OSBPL10: variants seen among roughly 807,000 people sequenced by gnomAD.
OSBPL10 encodes the protein oxysterol-binding protein-related protein 10.
OSBPL10 carries 49 observed loss-of-function variants against 81.7 expected under a neutral mutation model. The observed-to-expected ratio is 0.60, with a 90% CI of 0.48 to 0.76. OSBPL10 has a LOEUF of 0.76. Among genes scored for constraint, OSBPL10 ranks in the 30% least tolerant of loss-of-function variants. The probability of loss-of-function intolerance (pLI) is 0.00; values close to 1 mark genes in which losing one functional copy is unlikely to be tolerated. For missense variants in OSBPL10, 923 were observed against 987.8 expected (o/e 0.93, Z 0.88); for synonymous variants, 419 against 383.6 (o/e 1.09, Z -1.08).
At chr3:31,958,997 A>G (rs182162642) in intron 1 of OSBPL10, among the ~76,000 whole-genome samples, 44 of 152,324 alleles carry the variant, frequency 2.9e-4, no homozygotes, top group African/African-American at 1.0e-3. Flanking sequence ...CCAAAGGTCA[A>G]ATGTCATCTC....
At chr3:31,726,830 A>G (rs976396187) in intron 6 of OSBPL10, among the ~76,000 whole-genome samples, 55 of 137,452 alleles carry the variant, frequency 4.0e-4, no homozygotes, top group African/African-American at 1.6e-3. Context: ...TTGTGCAAAA[A>G]TTTATTATTA....
At chr3:31,905,368 T>A (rs913132469) in intron 1 of OSBPL10, among the ~76,000 whole-genome samples, 70 of 148,290 alleles carry the variant, frequency 4.7e-4, no homozygotes, top group East Asian at 4.1e-3. Flanking sequence ...TTTTTTTTTT[T>A]AGACGGACTC....
chr3:31,975,011 CAT>C (rs1698655875), intron 1 of OSBPL10, among the ~76,000 whole-genome samples: 1 of 152,166 alleles, frequency 6.6e-6, no homozygotes, highest in Non-Finnish European at 1.5e-5. Flanking sequence ...GGAAATCACC[CAT>C]AATCCCACCA....
At chr3:32,017,149 A>C (rs1699320234) in intron 2 of OSBPL10, among the ~76,000 whole-genome samples, 1 of 152,244 alleles carries the variant, frequency 6.6e-6, no homozygotes, top group South Asian at 2.1e-4. Context: ...TTGTATGCCA[A>C]ACACATATTA....
intron 1 of OSBPL10, among the ~76,000 whole-genome samples, chr3:31,975,290 T>C (rs978528594): frequency 6.6e-6 from 1 of 152,158 alleles, no homozygotes; most frequent in African/African-American, 2.4e-5. Context: ...CAGGAAGATA[T>C]GCAGATATTT....
At chr3:31,792,734 ACACAGAGTGT>A (rs1326688596) in intron 4 of OSBPL10, among the ~76,000 whole-genome samples, 9 of 130,184 alleles carry the variant, frequency 6.9e-5, no homozygotes, top group African/African-American at 2.9e-4. Flanking sequence ...AGCTATCCAG[ACACAGAGTGT>A]GTGTGTGTGT....
intron 4 of OSBPL10, among the ~76,000 whole-genome samples, chr3:31,803,420 C>T (rs146777152): frequency 6.6e-6 from 1 of 152,286 alleles, no homozygotes; most frequent in Non-Finnish European, 1.5e-5. Context: ...GAACCAGGGA[C>T]GTTTATAACC....
Position 32,052,706 on chromosome 3 carries a change from GA to G in OSBPL10, n.186-6104del, listed in dbSNP as rs1699678129. ...TTCTCAGCAAACTAACACAGGAACA[GA>G]AAACCAAACACTGCATGTTCTCACT... On this transcript the variant is annotated intron_variant and non_coding_transcript_variant, in intron 1 of 3. Transcript: ENST00000479173. 3.3e-5 allele frequency among the ~76,000 whole-genome samples: 5 copies of G among 152,236 alleles called. No individual in the cohort carries two copies. The South Asian group carries it at 1.0e-3, about 32-fold the overall frequency.
At position 31,806,906 on chromosome 3, in the gene OSBPL10, A is replaced by T. The variant is rs144989874; in HGVS notation, c.729+23134T>A. On this transcript the variant is annotated intron_variant, in intron 4 of 11. Coordinates refer to ENST00000396556, the MANE Select transcript of OSBPL10 (RefSeq NM_017784.5). ...GCAGACCTCCTATCCAGCCTGGGGA[A>T]CTAGAACCCAGGAAACAGGGGTCTG... Among the ~76,000 whole-genome samples the T allele has an allele frequency of 7.4e-3, 1,128 of 152,166 alleles. 13 individuals carry two copies. The highest frequency in any genetic ancestry group is 0.026 in the African/African-American group (1,070 of 41,498).
intron 3 of OSBPL10, among the ~76,000 whole-genome samples, chr3:31,857,395 G>C (rs916879612): frequency 6.6e-6 from 1 of 152,056 alleles, no homozygotes; most frequent in Non-Finnish European, 1.5e-5. Context: ...TGGAATTACT[G>C]AACATCTTCA....
intron 2 of OSBPL10, 70 bp downstream of exon 2, chr3:31,879,570 AAAAAAACAAAAAATC>A (rs1465546940): frequency 2.1e-6 from 3 of 1,422,606 alleles, no homozygotes; most frequent in African/African-American, 1.4e-5. Flanking sequence ...AAGGCAATTT[AAAAAAACAAAAAATC>A]AAAAAACAAG....
At chr3:31,763,555 A>C (rs928633834) in intron 4 of OSBPL10, among the ~76,000 whole-genome samples, 1 of 152,236 alleles carries the variant, frequency 6.6e-6, no homozygotes, top group African/African-American at 2.4e-5. Context: ...AGAATATTCT[A>C]ATATTCTAAC....
chr3:31,962,232 C>T (rs1214042073), intron 1 of OSBPL10, among the ~76,000 whole-genome samples: 1 of 152,180 alleles, frequency 6.6e-6, no homozygotes, highest in Non-Finnish European at 1.5e-5. Flanking sequence ...GCTGGGATTA[C>T]AGGTGGGAGC....
At chr3:31,931,286 A>C (rs1459351710) in intron 1 of OSBPL10, among the ~76,000 whole-genome samples, 3 of 151,702 alleles carry the variant, frequency 2.0e-5, no homozygotes, top group Non-Finnish European at 2.9e-5. Flanking sequence ...AACACTCCCC[A>C]CTCTCCACCC....
intron 1 of OSBPL10, among the ~76,000 whole-genome samples, chr3:31,915,706 C>G (rs941782712): frequency 6.6e-6 from 1 of 151,854 alleles, no homozygotes; most frequent in African/African-American, 2.4e-5. Context: ...GAGCATCACT[C>G]AGTACACCCA....
chr3:31,820,464 G>A (rs1045387598), intron 4 of OSBPL10, among the ~76,000 whole-genome samples: 3 of 151,692 alleles, frequency 2.0e-5, no homozygotes, highest in Non-Finnish European at 4.4e-5. Context: ...GTGCCGTGAC[G>A]CATGCCTGTA....
At chr3:32,047,814 C>T (rs771356291) in intron 1 of OSBPL10, among the ~76,000 whole-genome samples, 12 of 152,164 alleles carry the variant, frequency 7.9e-5, no homozygotes, top group Admixed American at 2.6e-4. Context: ...AGGCACCTGC[C>T]ACTACGCCTG....
At chr3:31,999,814 T>G (rs571144440) in intron 2 of OSBPL10, among the ~76,000 whole-genome samples, 2 of 152,316 alleles carry the variant, frequency 1.3e-5, no homozygotes, top group African/African-American at 4.8e-5. Flanking sequence ...CATTCTGTTT[T>G]GTACTGAAAC....
At chr3:31,763,773 T>G in intron 4 of OSBPL10, among the ~76,000 whole-genome samples, 1 of 152,244 alleles carries the variant, frequency 6.6e-6, no homozygotes, top group Middle Eastern at 3.4e-3. Flanking sequence ...CAAATGGCAC[T>G]TGAAAAAAGA....
Sources: allele counts gnomAD v4.1 joint callset (sites outside exome capture counted in the v4.1 genomes callset), GRCh38; gene constraint gnomAD v4.1.1; transcripts MANE v1.5; gene names NCBI Gene and HGNC (gene_info 2026-07-23, HGNC 2026-07-21).